PLCH1: variants seen among roughly 807,000 people sequenced by gnomAD.
PLCH1 encodes 1-phosphatidylinositol 4,5-bisphosphate phosphodiesterase eta-1.
In PLCH1, 60 loss-of-function variants were observed where a neutral mutation model predicts 126.7. The ratio of observed to expected loss-of-function variants is 0.47; its 90% CI spans 0.38 to 0.59. PLCH1 has a LOEUF of 0.59. PLCH1 is among the 20% of genes least tolerant of loss of function. The pLI, the probability that PLCH1 is intolerant of heterozygous loss-of-function variation, is 0.00. For missense variants in PLCH1, 1,723 were observed against 2,040.0 expected (o/e 0.84, Z 2.99); for synonymous variants, 719 against 734.9 (o/e 0.98, Z 0.35).
chr3:155,467,665 A>T (rs2107978801), intron 21 of PLCH1, among the ~76,000 whole-genome samples: 1 of 152,310 alleles, frequency 6.6e-6, no homozygotes, highest in South Asian at 2.1e-4. Flanking sequence ...TTCAGTGGAA[A>T]CCTCACAGTC....
At chr3:155,686,705 GC>G (rs1744977016) in intron 2 of PLCH1, among the ~76,000 whole-genome samples, 1 of 152,060 alleles carries the variant, frequency 6.6e-6, no homozygotes, top group Non-Finnish European at 1.5e-5. Context: ...TACTTACCAG[GC>G]ATCTCCCATA....
Position 155,657,172 on chromosome 3 carries a change from G to A in PLCH1, c.79+46974C>T, listed in dbSNP as rs370982658. Among the ~76,000 whole-genome samples, 15 of 152,110 alleles carry A rather than the reference G, an allele frequency of 9.9e-5. No individual in the cohort carries two copies. The East Asian group carries it at 2.9e-3, about 29-fold the overall frequency. On this transcript the variant is annotated intron_variant, in intron 2 of 22. Transcript: ENST00000460012. ...TCCAACCAAGATGAGTAACCCACAT[G>A]AAACAAACAGAATATATGAACAACA...
chr3:155,591,328 G>A (rs970591098), intron 4 of PLCH1, among the ~76,000 whole-genome samples: 1 of 152,168 alleles, frequency 6.6e-6, no homozygotes, highest in Admixed American at 6.5e-5. Flanking sequence ...GGATGGGGGC[G>A]GGGGTGTAAA....
intron 21 of PLCH1, among the ~76,000 whole-genome samples, chr3:155,470,894 C>T (rs1713188474): frequency 6.6e-6 from 1 of 151,850 alleles, no homozygotes; most frequent in Non-Finnish European, 1.5e-5. Flanking sequence ...TTTGTCACCA[C>T]CAGGCCTGCC....
intron 10 of PLCH1, among the ~76,000 whole-genome samples, chr3:155,543,319 G>A (rs145505400): frequency 0.05 from 7,534 of 152,176 alleles, 226 homozygotes; most frequent in Middle Eastern, 0.092. Flanking sequence ...GAAATGAAGC[G>A]AGAAGGGAAG....
intron 2 of PLCH1, among the ~76,000 whole-genome samples, chr3:155,696,882 A>G (rs1745857470): frequency 6.6e-6 from 1 of 152,244 alleles, no homozygotes; most frequent in Non-Finnish European, 1.5e-5. Flanking sequence ...AAGCCATCCA[A>G]GGCTTTCACT....
intron 21 of PLCH1, chr3:155,485,921 C>T: frequency 1.7e-6 from 1 of 600,540 alleles, no homozygotes; most frequent in Non-Finnish European, 2.9e-6. Flanking sequence ...TTCAGCCTTC[C>T]ATTCTTACAT....
At chr3:155,534,703 C>T (rs1723122776) in intron 10 of PLCH1, among the ~76,000 whole-genome samples, 1 of 152,146 alleles carries the variant, frequency 6.6e-6, no homozygotes. Flanking sequence ...ATAATACCCA[C>T]ATTTCTTGGG....
intron 2 of PLCH1, among the ~76,000 whole-genome samples, chr3:155,625,050 G>A (rs976344509): frequency 2.0e-5 from 3 of 152,086 alleles, no homozygotes; most frequent in African/African-American, 7.2e-5. Context: ...CAGATATATA[G>A]ACCAATGGAA....
At chr3:155,479,148 T>A (rs552653334), downstream of PLCH1, among the ~76,000 whole-genome samples, 8 of 152,222 alleles carry the variant, frequency 5.3e-5, no homozygotes, top group Non-Finnish European at 1.0e-4. Context: ...AAAGATACCG[T>A]CAAATCCTAA....
In PLCH1 at chr3:155,481,925, T is replaced by G. The variant is rs1560042938; in HGVS notation, c.4101A>C (p.Glu1367Asp). The G allele has an allele frequency of 6.2e-7, 1 of 1,614,210 alleles. No individual in the cohort carries two copies. Among genetic ancestry groups the G allele is most frequent in the South Asian group, 1.1e-5 (1 of 91,086 alleles). ...ESENLSLTTC[E>D]YRREGTSQLA... ...GTTGACTTGTGCCCTCTCTCCTATA[T>G]TCACAGGTTGTTAGAGAAAGATTTT... The change falls in exon 23 of 23, where the codon GAA becomes GAC. Residue 1367 changes from glutamate to aspartate, a missense_variant. Around this residue, in one of 2 missense-constraint regions of PLCH1, gnomAD observed 947 missense variants for 977.1 expected, o/e 0.97. Coordinates refer to ENST00000460012, the MANE Select transcript of PLCH1 (RefSeq NM_014996.4). The surrounding 1 kb of genome is among the most constrained non-coding windows in gnomAD (Gnocchi z 4.2).
intron 10 of PLCH1, among the ~76,000 whole-genome samples, 171 bp from the exon 11 acceptor site, chr3:155,524,175 A>G (rs1721592622): frequency 6.6e-6 from 1 of 152,266 alleles, no homozygotes; most frequent in Non-Finnish European, 1.5e-5. Context: ...ATATTACAAA[A>G]TGAAGGAACC....
chr3:155,571,233 C>T (rs1016668223), intron 6 of PLCH1, among the ~76,000 whole-genome samples: 3 of 152,086 alleles, frequency 2.0e-5, no homozygotes, highest in African/African-American at 7.2e-5. Flanking sequence ...GTATCATTTG[C>T]AAAAATTCTA....
At chr3:155,577,350 A>T (rs359556) in intron 6 of PLCH1, among the ~76,000 whole-genome samples, 101,220 of 151,970 alleles carry the variant, frequency 0.67, 34,567 homozygotes, top group Middle Eastern at 0.78. Flanking sequence ...TGATTTTGTA[A>T]AGGTTTCAAG....
rs1388465155 is a variant in PLCH1 at position 155,481,527 on chromosome 3, T to A, written c.4499A>T (p.Glu1500Val). ...CTTACTAATACACTGGTACTTGCTC[T>A]CAAAATTGCAGGCAATGTCCTCTGA... ...LTSEDIACNF[E>V]SKYQCISKSF... The change falls in exon 23 of 23, where the codon GAG becomes GTG. Residue 1500 changes from glutamate (E) to valine (V), a missense_variant. Coordinates refer to ENST00000460012, the MANE Select transcript of PLCH1 (RefSeq NM_014996.4). The surrounding 1 kb of genome is among the most constrained non-coding windows in gnomAD (Gnocchi z 4.2). 4 of 1,614,150 alleles carry A rather than the reference T, an allele frequency of 2.5e-6. No homozygotes were observed. The highest frequency in any genetic ancestry group is 3.4e-6 in the Non-Finnish European group (4 of 1,180,012).
At chr3:155,493,617 C>T (rs926524507) in intron 17 of PLCH1, among the ~76,000 whole-genome samples, 1 of 152,206 alleles carries the variant, frequency 6.6e-6, no homozygotes, top group Non-Finnish European at 1.5e-5. Context: ...AACTCCTGAC[C>T]TCAGGTGATC....
At chr3:155,594,208 C>A (rs1302744501) in intron 3 of PLCH1, 24 bp from the exon 4 acceptor site, 3 of 1,602,826 alleles carry the variant, frequency 1.9e-6, no homozygotes, top group Non-Finnish European at 2.6e-6. Context: ...GAGATACACA[C>A]AGTTATACAG....
Position 155,481,414 on chromosome 3 carries a change from G to A in PLCH1, c.4612C>T (p.Leu1538Phe). ...TGGTCAAAGGACACAAGCTTCCGAA[G>A]CTGCTCGGTCAGGGCATCTATAGGC... Reference protein sequence around the residue: ...LEPIDALTEQLRKLVSFDQED... With the variant: ...LEPIDALTEQFRKLVSFDQED... The change falls in exon 23 of 23, where the codon CTT (leucine) becomes TTT (phenylalanine). Residue 1538 changes from leucine to phenylalanine, a missense_variant. By Grantham distance (22) the Leu-to-Phe change is conservative. Coordinates refer to ENST00000460012, the MANE Select transcript of PLCH1 (RefSeq NM_014996.4). This position sits in a 1 kb window ranked among gnomAD's most constrained non-coding sequence, Gnocchi z 4.2. 1 of 1,614,184 alleles carries A rather than the reference G, an allele frequency of 6.2e-7. No homozygotes were observed.
chr3:155,625,967 G>A (rs12485814), intron 2 of PLCH1, among the ~76,000 whole-genome samples: 73,892 of 152,022 alleles, frequency 0.49, 20,348 homozygotes, highest in African/African-American at 0.74. Context: ...GCAAAGACTT[G>A]GAACCAACCC....
Sources: allele counts gnomAD v4.1 joint callset (sites outside exome capture counted in the v4.1 genomes callset), GRCh38; gene constraint gnomAD v4.1.1; regional missense constraint gnomAD v4.1.1; non-coding constraint Gnocchi (gnomAD v3.1); transcripts MANE v1.5; gene names NCBI Gene and HGNC (gene_info 2026-07-23, HGNC 2026-07-21).